NEGR1: variants seen among roughly 807,000 people sequenced by gnomAD.
NEGR1 encodes the protein IgLON family member 4.
NEGR1 carries 10 observed loss-of-function variants against 40.9 expected under a neutral mutation model. That is an observed-to-expected ratio of 0.24 (90% CI 0.15 to 0.42). The LOEUF is 0.42. Ranked by LOEUF, NEGR1 falls within the 10% of genes least tolerant of loss-of-function variation. The pLI, the probability that NEGR1 is intolerant of heterozygous loss-of-function variation, is 1.00. For missense variants in NEGR1, 352 were observed against 438.9 expected, an observed-to-expected ratio of 0.80 and a Z score of 1.77; for synonymous variants, 185 against 166.8, an observed-to-expected ratio of 1.11 and a Z score of -0.84.
intron 2 of NEGR1, among the ~76,000 whole-genome samples, chr1:71,801,111 A>G (rs1278402896): frequency 1.3e-5 from 2 of 152,186 alleles, no homozygotes; most frequent in Non-Finnish European, 2.9e-5. Context: ...CTCAACGTTT[A>G]GAATAATTGA....
intron 1 of NEGR1, among the ~76,000 whole-genome samples, chr1:72,044,152 C>T (rs1350997236): frequency 6.6e-6 from 1 of 151,324 alleles, no homozygotes; most frequent in African/African-American, 2.4e-5. Flanking sequence ...TTATAAAGTG[C>T]TGAACACAGT....
chr1:71,877,171 A>G (rs1660456572), intron 2 of NEGR1, among the ~76,000 whole-genome samples: 1 of 152,170 alleles, frequency 6.6e-6, no homozygotes, highest in South Asian at 2.1e-4. Context: ...AAACAAAAAA[A>G]GGGTCTGAGA....
At chr1:72,114,959 G>A (rs1439419080) in intron 1 of NEGR1, among the ~76,000 whole-genome samples, 1 of 151,686 alleles carries the variant, frequency 6.6e-6, no homozygotes, top group African/African-American at 2.4e-5. Flanking sequence ...AAGACACCGT[G>A]TTATATTTGT....
At chr1:71,640,867 G>T (rs1651326907) in intron 4 of NEGR1, among the ~76,000 whole-genome samples, 1 of 141,024 alleles carries the variant, frequency 7.1e-6, no homozygotes, top group Non-Finnish European at 1.5e-5. Context: ...AACACAAAAA[G>T]TGCCCAGAAC....
chr1:72,093,915 G>C (rs573596399), intron 1 of NEGR1, among the ~76,000 whole-genome samples: 1 of 152,172 alleles, frequency 6.6e-6, no homozygotes, highest in Non-Finnish European at 1.5e-5. Flanking sequence ...GGAAATCACA[G>C]ATGTGATTAA....
At chr1:71,428,011 C>CAT (rs1646440607) in intron 6 of NEGR1, among the ~76,000 whole-genome samples, 1 of 151,528 alleles carries the variant, frequency 6.6e-6, no homozygotes, top group Non-Finnish European at 1.5e-5. Context: ...CACACACACA[C>CAT]ACATGCATGC....
intron 1 of NEGR1, among the ~76,000 whole-genome samples, chr1:72,229,915 GAAGT>G (rs1360624260): frequency 1.3e-5 from 2 of 151,966 alleles, no homozygotes; most frequent in Non-Finnish European, 2.9e-5. Context: ...ATCCCTTTAA[GAAGT>G]TAGTAAAATG....
At chr1:71,848,673 A>C (rs1351599529) in intron 2 of NEGR1, among the ~76,000 whole-genome samples, 1 of 152,318 alleles carries the variant, frequency 6.6e-6, no homozygotes, top group East Asian at 1.9e-4. Context: ...CTGGTCACCT[A>C]AGTGCTTTGA....
chr1:71,500,936 GT>G (rs1646994721), intron 6 of NEGR1, among the ~76,000 whole-genome samples: 1 of 151,676 alleles, frequency 6.6e-6, no homozygotes, highest in African/African-American at 2.4e-5. Context: ...TTTATCTGGG[GT>G]TTATTGACTC....
At chr1:71,673,256 A>G (rs1183353266) in intron 4 of NEGR1, among the ~76,000 whole-genome samples, 2 of 152,098 alleles carry the variant, frequency 1.3e-5, no homozygotes, top group Non-Finnish European at 2.9e-5. Context: ...TCCATATACT[A>G]TGTCCAGGAC....
At chr1:72,227,310 T>C (rs1166010913) in intron 1 of NEGR1, among the ~76,000 whole-genome samples, 1 of 151,956 alleles carries the variant, frequency 6.6e-6, no homozygotes, top group East Asian at 1.9e-4. Flanking sequence ...AATTGTATCA[T>C]CCTGGCTGCT....
intron 1 of NEGR1, among the ~76,000 whole-genome samples, chr1:72,206,180 A>C (rs976316485): frequency 1.3e-5 from 2 of 151,964 alleles, no homozygotes; most frequent in Non-Finnish European, 2.9e-5. Context: ...ATTATTTGGA[A>C]GAGGAAGGTC....
chr1:71,459,772 T>C (rs116738473), intron 6 of NEGR1, among the ~76,000 whole-genome samples: 2,091 of 152,322 alleles, frequency 0.014, 44 homozygotes, highest in African/African-American at 0.048. Flanking sequence ...TGTATACTTA[T>C]GCATGAGGCC....
At chr1:72,144,600 T>A (rs1485255512) in intron 1 of NEGR1, among the ~76,000 whole-genome samples, 2 of 151,986 alleles carry the variant, frequency 1.3e-5, no homozygotes, top group East Asian at 3.9e-4. Context: ...GTTTCACCAT[T>A]GATGTTCCTT....
At chr1:71,887,681 C>G (rs1660763576) in intron 2 of NEGR1, among the ~76,000 whole-genome samples, 1 of 152,020 alleles carries the variant, frequency 6.6e-6, no homozygotes, top group Admixed American at 6.6e-5. Context: ...CTTTTTAAAA[C>G]TATATATTAT....
At chr1:71,413,330 A>G (rs1233623387) in intron 6 of NEGR1, among the ~76,000 whole-genome samples, 1 of 152,178 alleles carries the variant, frequency 6.6e-6, no homozygotes, top group East Asian at 1.9e-4. Flanking sequence ...AATGAGCAAA[A>G]CAGAAATGGT....
chr1:71,729,128 G>A (rs1422379020), intron 3 of NEGR1, among the ~76,000 whole-genome samples: 5 of 151,682 alleles, frequency 3.3e-5, no homozygotes, highest in Non-Finnish European at 5.9e-5. Context: ...CTTTCCTCTC[G>A]CCAAACATAA....
At chr1:72,181,377 C>T (rs1467311510) in intron 1 of NEGR1, among the ~76,000 whole-genome samples, 1 of 152,094 alleles carries the variant, frequency 6.6e-6, no homozygotes, top group Non-Finnish European at 1.5e-5. Context: ...CTTGGTGTCA[C>T]TCTTGCACTT....
chr1:72,224,915 G>A (rs144659850), intron 1 of NEGR1, among the ~76,000 whole-genome samples: 413 of 152,060 alleles, frequency 2.7e-3, no homozygotes, highest in African/African-American at 9.1e-3. Flanking sequence ...TTAACATCAT[G>A]AATTATGTTA....
Sources: gnomAD v4.1 joint callset for allele counts (sites outside exome capture counted in the v4.1 genomes callset) on GRCh38, gnomAD v4.1.1 for gene constraint, MANE v1.5 for transcripts, NCBI Gene and HGNC (gene_info 2026-07-23, HGNC 2026-07-21) for gene names.